The following ELOF1 variants were observed in gnomAD, a reference collection of about 807,000 sequenced individuals.
The protein encoded by ELOF1 is transcription elongation factor 1 homolog.
ELOF1 carries 4 observed loss-of-function variants against 7.1 expected under a neutral mutation model. The observed-to-expected ratio is 0.56, with a 90% confidence interval of 0.28 to 1.29. The LOEUF (loss-of-function observed/expected upper bound fraction) is 1.29, where lower values mean the gene tolerates loss of function less well. Ranked by LOEUF, ELOF1 falls within the 50% of genes most tolerant of loss-of-function variation. ELOF1 has a pLI of 0.10. For missense variants in ELOF1, 59 were observed against 86.3 expected (o/e 0.68, Z 1.25); for synonymous variants, 31 against 31.9 (o/e 0.97, Z 0.09).
At chr19:11,554,998 C>T (rs1259361383) in intron 1 of ELOF1, 2 of 152,862 alleles carry the variant, frequency 1.3e-5, no homozygotes, top group Non-Finnish European at 2.9e-5. Flanking sequence ...GTGGCTCACA[C>T]TTGTAATCCC....
At chr19:11,553,582 T>TACAC (rs57015096) in intron 3 of ELOF1, 7,262 of 603,754 alleles carry the variant, frequency 0.012, 35 homozygotes, top group East Asian at 0.068. Flanking sequence ...GCACACCCAC[T>TACAC]ACACACACAC....
Position 11,558,007 on chromosome 19 carries a change from G to T in ELOF1, c.-19+1184C>A, listed in dbSNP as rs528287837. Among the ~76,000 whole-genome samples the T allele has an allele frequency of 3.9e-5, 6 of 152,236 alleles. No homozygotes were observed. The South Asian group carries it at 1.2e-3, about 32-fold the overall frequency. Reference sequence around the variant, plus strand: ...TCTCCAGCCTTGAGTCTGAACTGCAGACTCTGATCTATCTGCCTCAGCCAC... The same window carrying T: ...TCTCCAGCCTTGAGTCTGAACTGCATACTCTGATCTATCTGCCTCAGCCAC... On this transcript the variant is annotated intron_variant, in intron 1 of 3. Transcript: ENST00000586683.
In ELOF1 at chr19:11,553,724, AG is replaced by A. The variant is rs576149251; in HGVS notation, c.187+286del. On this transcript the variant is annotated intron_variant, in intron 3 of 3. Transcript: ENST00000586683. ...GGATCCACAGTACGCGGGGCTGCTC[AG>A]GGGGCGGGTCCTCTGTGTCGCTACT... 170 of 1,614,102 alleles carry A rather than the reference AG, an allele frequency of 1.1e-4. No homozygotes were observed. The East Asian group carries it at 3.0e-3, about 29-fold the overall frequency.
intron 1 of ELOF1, among the ~76,000 whole-genome samples, chr19:11,556,292 T>C (rs925017021): frequency 1.3e-5 from 2 of 152,012 alleles, no homozygotes; most frequent in African/African-American, 2.4e-5. Flanking sequence ...TCCTATGTAA[T>C]ACCCCCAACT....
chr19:11,556,464 T>A (rs1011362275), intron 1 of ELOF1, among the ~76,000 whole-genome samples: 1 of 152,000 alleles, frequency 6.6e-6, no homozygotes, highest in Non-Finnish European at 1.5e-5. Flanking sequence ...CACGCGTGGC[T>A]AATTTTTTGT....
At chr19:11,554,649 G>A in intron 1 of ELOF1, 1 of 467,642 alleles carries the variant, frequency 2.1e-6, no homozygotes. Context: ...CTATAAAACA[G>A]AGACAAGGCC....
At chr19:11,556,309 T>C (rs1972833074) in intron 1 of ELOF1, among the ~76,000 whole-genome samples, 1 of 151,216 alleles carries the variant, frequency 6.6e-6, no homozygotes, top group African/African-American at 2.4e-5. Flanking sequence ...AACTCTTTCT[T>C]TTTTTTTTGA....
At chr19:11,554,249 T>C (rs1387188483) in exon 2 of ELOF1, 2 of 1,613,438 alleles carry the variant, frequency 1.2e-6, no homozygotes, top group South Asian at 1.1e-5. Context: ...CATCACAGGA[T>C]TTCTCGTGGT....
intron 3 of ELOF1, chr19:11,553,259 A>AGGCAAGGGGCAGGATGG: frequency 2.5e-6 from 1 of 396,124 alleles, no homozygotes; most frequent in Non-Finnish European, 4.5e-6. Context: ...GGAGAGCGGG[A>AGGCAAGGGGCAGGATGG]AGTCCAGTTG....
chr19:11,558,189 C>T (rs1331221791), intron 1 of ELOF1, among the ~76,000 whole-genome samples: 1 of 152,164 alleles, frequency 6.6e-6, no homozygotes, highest in Non-Finnish European at 1.5e-5. Context: ...GATTCATCCT[C>T]AATGTCTTTT....
chr19:11,553,798 G>T, intron 3 of ELOF1: 1 of 1,614,160 alleles, frequency 6.2e-7, no homozygotes, highest in Non-Finnish European at 8.5e-7. Context: ...CACATCCACG[G>T]GTTCTGACAG....
rs558563952 is a variant in ELOF1, at chr19:11,555,281, G to A, written c.-18-916C>T. 167 of 162,786 alleles carry A rather than the reference G, an allele frequency of 1.0e-3. 6 individuals carry two copies. In the South Asian group the frequency reaches 0.015, roughly 15 times the overall value. 10.1% of individuals were successfully genotyped at this position (162,786 alleles called of 1,614,324 possible). On this transcript the variant is annotated intron_variant, in intron 1 of 3. Coordinates refer to ENST00000586683, the Ensembl canonical transcript of ELOF1. ...CAAAAAAAAAAAAAAAAAAAAAGTC[G>A]AAATAAGGTTGCTATCTCAGAGGAG...
In ELOF1 at chr19:11,553,566, CCACACG is replaced by C. The variant is rs376693477; in HGVS notation, c.187+439_187+444del. 9.5e-4 allele frequency: 679 copies of C among 713,684 alleles called. 6 individuals are homozygous for C. The highest frequency in any genetic ancestry group is 4.4e-3 in the African/African-American group (225 of 50,712). The allele number at this position is 713,684 out of a possible 1,614,324, so 44.2% of individuals were successfully genotyped here. ...CACCCACACTCACTCACACCCACAC[CCACACG>C]CACACCCACTACACACACACACACA... On this transcript the variant is annotated intron_variant, in intron 3 of 3. Coordinates refer to ENST00000586683, the Ensembl canonical transcript of ELOF1.
chr19:11,553,158 G>A, intron 3 of ELOF1: 1 of 401,068 alleles, frequency 2.5e-6, no homozygotes, highest in Non-Finnish European at 4.4e-6. Flanking sequence ...GTTACCATGG[G>A]GAGGGGGGCG....
rs1223053111 is a variant in ELOF1, at chr19:11,554,371, G to C, written c.-18-6C>G. ...ATGTCTGCAGGTGGATGAGCCTGTGGGGAGTGGCAGATGTCAGTGGTTTGA... is the reference window on the plus strand; with the variant it reads ...ATGTCTGCAGGTGGATGAGCCTGTGCGGAGTGGCAGATGTCAGTGGTTTGA... On this transcript the variant is annotated splice_region_variant and splice_polypyrimidine_tract_variant and intron_variant, in intron 1 of 3. Transcript: ENST00000586683. 1 of 1,611,740 alleles carries C rather than the reference G, an allele frequency of 6.2e-7. No homozygotes were observed. Among genetic ancestry groups the C allele is most frequent in the Non-Finnish European group, 8.5e-7 (1 of 1,178,556 alleles).
intron 3 of ELOF1, chr19:11,553,247 A>G (rs1972755905): frequency 2.5e-6 from 1 of 399,024 alleles, no homozygotes; most frequent in Non-Finnish European, 4.4e-6. Context: ...GAAGGTGGAG[A>G]AGGAGAGCGG....
At chr19:11,554,581 T>A in intron 1 of ELOF1, 2 of 617,692 alleles carry the variant, frequency 3.2e-6, no homozygotes, top group Non-Finnish European at 5.4e-6. Context: ...CCCATCTCTC[T>A]CACTTACTGC....
At chr19:11,553,048 T>G in exon 4 of ELOF1, 1 of 399,164 alleles carries the variant, frequency 2.5e-6, no homozygotes, top group South Asian at 1.3e-4. Flanking sequence ...GCAAGGGATG[T>G]GCGCTGGCTG....
At chr19:11,556,174 C>G (rs1471304282) in intron 1 of ELOF1, among the ~76,000 whole-genome samples, 1 of 152,316 alleles carries the variant, frequency 6.6e-6, no homozygotes, top group East Asian at 1.9e-4. Flanking sequence ...AACACACACA[C>G]ACACGACTGC....
Sources: gnomAD v4.1 joint callset for allele counts (sites outside exome capture counted in the v4.1 genomes callset) on GRCh38, gnomAD v4.1.1 for gene constraint, MANE v1.5 for transcripts, NCBI Gene and HGNC (gene_info 2026-07-23, HGNC 2026-07-21) for gene names.